The following GRTP1 variants were observed in gnomAD, a reference collection of about 807,000 sequenced individuals.
The protein encoded by GRTP1 is growth hormone regulated TBC protein 1.
A neutral mutation model predicts 38.1 loss-of-function variants in GRTP1; 56 were observed. The ratio of observed to expected loss-of-function variants is 1.47; its 90% CI spans 1.19 to 1.84. GRTP1 has a LOEUF of 1.84. Ranked by LOEUF, GRTP1 falls within the 40% of genes most tolerant of loss-of-function variation. The probability of loss-of-function intolerance (pLI) is 0.00; values close to 1 mark genes in which losing one functional copy is unlikely to be tolerated. For synonymous variants in GRTP1, 217 were observed against 189.5 expected (o/e 1.14, Z -1.19); for missense variants, 506 against 453.9 (o/e 1.11, Z -1.04).
chr13:113,324,611 C>A, intron 7 of GRTP1, 34 bp from the exon 8 acceptor site: 1 of 1,568,522 alleles, frequency 6.4e-7, no homozygotes, highest in East Asian at 2.4e-5. Flanking sequence ...AAAACAAACC[C>A]AACAACCCAT....
chr13:113,360,966 C>T (rs1241927147), intron 2 of GRTP1, among the ~76,000 whole-genome samples: 1 of 151,792 alleles, frequency 6.6e-6, no homozygotes, highest in African/African-American at 2.4e-5. Flanking sequence ...AAAAATTAGC[C>T]GGGCATGGTG....
rs1265847459 is a variant in GRTP1 at position 113,349,660 on chromosome 13, T to C, written c.465+1189A>G. Among the ~76,000 whole-genome samples, 1 of 152,214 alleles carries C rather than the reference T, an allele frequency of 6.6e-6. No individual in the cohort carries two copies. Among genetic ancestry groups the C allele is most frequent in the African/African-American group, 2.4e-5 (1 of 41,464 alleles). ...GGAACAGCTGGTGAGGACAGCGTGG[T>C]CCCGTGGCTCTGCTGCTGGCCTTTC... On this transcript the variant is annotated intron_variant, in intron 4 of 7. Coordinates refer to ENST00000375431, the MANE Select transcript of GRTP1 (RefSeq NM_024719.4). This position sits in a 1 kb window ranked among gnomAD's most constrained non-coding sequence, Gnocchi z 5.0.
At chr13:113,350,374 T>C (rs1165065547) in intron 4 of GRTP1, among the ~76,000 whole-genome samples, 1 of 151,342 alleles carries the variant, frequency 6.6e-6, no homozygotes, top group Non-Finnish European at 1.5e-5. Context: ...ACTCTGGGAG[T>C]GGCCTCAGAG....
At chr13:113,326,674 A>AAAAC (rs141943988) in intron 5 of GRTP1, among the ~76,000 whole-genome samples, 5 of 151,888 alleles carry the variant, frequency 3.3e-5, no homozygotes, top group Admixed American at 3.3e-4. Context: ...CTGTCTCAAA[A>AAAAC]AAACAAACAA....
intron 2 of GRTP1, among the ~76,000 whole-genome samples, chr13:113,356,913 G>A (rs1258929361): frequency 1.3e-5 from 2 of 152,156 alleles, no homozygotes; most frequent in African/African-American, 2.4e-5. Flanking sequence ...AACCTGGGAG[G>A]CAGTAATTGC....
At chr13:113,359,650 ACT>A (rs1764004034) in intron 2 of GRTP1, 1 of 152,112 alleles carries the variant, frequency 6.6e-6, no homozygotes. Context: ...GGAGTCAGAC[ACT>A]CTGCTCCGCT....
Position 113,324,323 on chromosome 13 carries a change from G to C in GRTP1, c.*165C>G. On this transcript the variant is annotated 3_prime_UTR_variant, in exon 8 of 8. Transcript: ENST00000375431. ...CATAGCTAATCATCAAAAGCTGGTA[G>C]AATGACCTGATTTTAAACTGCTCTT... 2 of 1,060,944 alleles carry C rather than the reference G, an allele frequency of 1.9e-6. No individual in the cohort carries two copies. The highest frequency in any genetic ancestry group is 3.1e-5 in the East Asian group (1 of 32,324). The allele number at this position is 1,060,944 out of a possible 1,614,324, so 65.7% of individuals were successfully genotyped here. A position where few individuals can be genotyped will look rare whatever the true frequency, so the allele number is the denominator to read the frequency against.
chr13:113,352,357 ATTT>A (rs373137038), intron 3 of GRTP1, among the ~76,000 whole-genome samples: 4 of 97,494 alleles, frequency 4.1e-5, no homozygotes, highest in Non-Finnish European at 6.0e-5. Context: ...ATTTATATAT[ATTT>A]TATATATATA....
At chr13:113,354,529 ATAT>A (rs1566439713) in intron 3 of GRTP1, among the ~76,000 whole-genome samples, 1 of 145,266 alleles carries the variant, frequency 6.9e-6, no homozygotes, top group South Asian at 2.2e-4. Context: ...AGGTTAACCA[ATAT>A]TTTTTTTTTT....
rs2043300167 is a variant in GRTP1, at chr13:113,352,362, A to ATATATATATTTATATATATTT, written c.341-1390_341-1389insAAATATATATAAATATATATA. Reference sequence around the variant, plus strand: ...TTATATATATATTTATATATATTTTATATATATATATATATTTATATATAT... The same window carrying ATATATATATTTATATATATTT: ...TTATATATATATTTATATATATTTTATATATATATTTATATATATTTTATATATATATATATTTATATATAT... On this transcript the variant is annotated intron_variant, in intron 3 of 7. Transcript: ENST00000375431. 2.2e-4 allele frequency among the ~76,000 whole-genome samples: 18 copies of ATATATATATTTATATATATTT among 80,850 alleles called. 2 individuals carry two copies. The highest frequency in any genetic ancestry group is 3.3e-4 in the Non-Finnish European group (15 of 45,550). 53.0% of individuals were successfully genotyped at this position (80,850 alleles called of 152,430 possible). A position where few individuals can be genotyped will look rare whatever the true frequency, so the allele number is the denominator to read the frequency against.
At chr13:113,341,798 G>A (rs914322564) in intron 5 of GRTP1, among the ~76,000 whole-genome samples, 44 of 152,260 alleles carry the variant, frequency 2.9e-4, no homozygotes, top group South Asian at 4.1e-4. Context: ...GCCAGTGAAG[G>A]CGGGTCGTCA....
At chr13:113,345,035 A>G in intron 4 of GRTP1, 76 bp from the exon 5 acceptor site, 3 of 1,497,712 alleles carry the variant, frequency 2.0e-6, no homozygotes, top group Non-Finnish European at 2.7e-6. Context: ...ATTCGGCTAC[A>G]AACTACCCAG....
chr13:113,356,346 T>A (rs111987410), intron 2 of GRTP1, among the ~76,000 whole-genome samples: 8 of 152,022 alleles, frequency 5.3e-5, no homozygotes, highest in Non-Finnish European at 8.8e-5. Context: ...TGGCTCACTG[T>A]AACCTCTGCC....
intron 5 of GRTP1, among the ~76,000 whole-genome samples, chr13:113,333,787 A>G (rs9324231): frequency 0.015 from 2,235 of 148,096 alleles, 62 homozygotes; most frequent in African/African-American, 0.054. Flanking sequence ...CACCACGCCC[A>G]TCTCAGTGCC....
intron 5 of GRTP1, among the ~76,000 whole-genome samples, chr13:113,329,533 G>A (rs1284802194): frequency 1.3e-5 from 2 of 152,160 alleles, no homozygotes; most frequent in Admixed American, 6.5e-5. Context: ...GCAGTGAGCC[G>A]AGATCGTGCC....
At chr13:113,347,143 A>T (rs148313016) in intron 4 of GRTP1, among the ~76,000 whole-genome samples, 2 of 418 alleles carry the variant, frequency 4.8e-3, no homozygotes, top group Non-Finnish European at 6.9e-3. Flanking sequence ...CCTCTGTGGC[A>T]GAGAGCAGAC....
chr13:113,330,926 G>A (rs1165355136), intron 5 of GRTP1, among the ~76,000 whole-genome samples: 1 of 19,750 alleles, frequency 5.1e-5, no homozygotes, highest in South Asian at 2.0e-3. Context: ...TGTGTGCATG[G>A]GAGCCCAGGT....
At chr13:113,332,293 C>CCA (rs146797859) in intron 5 of GRTP1, among the ~76,000 whole-genome samples, 117 of 75,850 alleles carry the variant, frequency 1.5e-3, no homozygotes, top group African/African-American at 3.8e-3. Context: ...CACACACACA[C>CCA]CACACGTGCA....
intron 4 of GRTP1, among the ~76,000 whole-genome samples, chr13:113,346,263 T>C (rs61966622): frequency 0.67 from 4,189 of 6,290 alleles, 1,202 homozygotes; most frequent in Middle Eastern, 0.88. Context: ...CGAGAGCAGA[T>C]CCGGGAGGAC....
Sources: allele counts gnomAD v4.1 joint callset (sites outside exome capture counted in the v4.1 genomes callset), GRCh38; gene constraint gnomAD v4.1.1; non-coding constraint Gnocchi (gnomAD v3.1); transcripts MANE v1.5; gene names NCBI Gene and HGNC (gene_info 2026-07-23, HGNC 2026-07-21).